CCND1: variants seen among roughly 807,000 people sequenced by gnomAD.
The protein encoded by CCND1 is G1/S-specific cyclin-D1.
A neutral mutation model predicts 26.1 loss-of-function variants in CCND1; 9 were observed. That is an observed-to-expected ratio of 0.35 (90% CI 0.21 to 0.60). The LOEUF is 0.60. Ranked by LOEUF, CCND1 falls within the 20% of genes least tolerant of loss-of-function variation. The pLI is 0.79. For missense variants in CCND1, 335 were observed against 392.9 expected (o/e 0.85, Z 1.25); for synonymous variants, 194 against 166.1 (o/e 1.17, Z -1.29).
chr11:69,648,316 G>C (rs905820356), intron 4 of CCND1, 174 bp downstream of exon 4: 2 of 658,186 alleles, frequency 3.0e-6, no homozygotes, highest in Non-Finnish European at 5.1e-6. Context: ...TTCTTCCACT[G>C]CTCCTAGAAC....
chr11:69,647,892 C>G, intron 3 of CCND1, 102 bp from the exon 4 acceptor site: 7 of 1,382,298 alleles, frequency 5.1e-6, no homozygotes. Context: ...CCCTTCAGGC[C>G]GGGCCGCTTG....
intron 3 of CCND1, among the ~76,000 whole-genome samples, chr11:69,645,065 C>T (rs945218587): frequency 1.3e-5 from 2 of 152,170 alleles, no homozygotes; most frequent in Non-Finnish European, 2.9e-5. Flanking sequence ...GTGAGGCCTC[C>T]CCCACCTCCT....
At chr11:69,649,813 C>G (rs558697248) in intron 4 of CCND1, among the ~76,000 whole-genome samples, 1 of 152,254 alleles carries the variant, frequency 6.6e-6, no homozygotes, top group East Asian at 1.9e-4. Flanking sequence ...AGCTGCCAGG[C>G]CCCTGGGGCT....
chr11:69,643,845 T>C lies in CCND1; in HGVS notation c.428T>C (p.Leu143Pro), dbSNP rs766855822. 6.2e-7 allele frequency: 1 copy of C among 1,610,142 alleles called. No homozygotes were observed. Among genetic ancestry groups the C allele is most frequent in the Non-Finnish European group, 8.5e-7 (1 of 1,177,302 alleles). Residue 143 changes from leucine (L) to proline (P), a missense_variant, in exon 3 of 5, where the codon CTC (leucine) becomes CCC (proline). Transcript: ENST00000227507. ...CTGTGTTCGCAGCAAATGGAGCTGC[T>C]CCTGGTGAACAAGCTCAAGTGGAAC... Reference protein sequence around the residue: ...RPEELLQMELLLVNKLKWNLA... With the variant: ...RPEELLQMELPLVNKLKWNLA...
At chr11:69,649,543 C>T (rs1329009275) in intron 4 of CCND1, among the ~76,000 whole-genome samples, 1 of 152,204 alleles carries the variant, frequency 6.6e-6, no homozygotes, top group African/African-American at 2.4e-5. Context: ...AGGGCGTGTT[C>T]TAGAATTTTC....
chr11:69,651,687 T>A lies in CCND1; in HGVS notation c.*405T>A. 4.2e-6 allele frequency: 1 copy of A among 240,374 alleles called. No individual in the cohort carries two copies. The highest frequency in any genetic ancestry group is 8.1e-6 in the Non-Finnish European group (1 of 123,314). The allele number at this position is 240,374 out of a possible 1,614,324, so 14.9% of individuals were successfully genotyped here. On this transcript the variant is annotated 3_prime_UTR_variant, in exon 5 of 5. Transcript: ENST00000227507. ...CGGGAGAGGATTAGGTTCCATCCTT[T>A]ACGTGTTTAAAAAAAAGCATAAAAA... is the stretch of plus-strand genomic sequence containing the variant.
At chr11:69,643,678 A>T in intron 2 of CCND1, 154 bp from the exon 3 acceptor site, 1 of 650,736 alleles carries the variant, frequency 1.5e-6, no homozygotes, top group Non-Finnish European at 2.6e-6. Context: ...AGCATTCGCC[A>T]GCCCTCCCCT....
rs948927165 is a variant in CCND1, at chr11:69,652,853, A to G, written c.*1571A>G. On this transcript the variant is annotated 3_prime_UTR_variant, in exon 5 of 5. Transcript: ENST00000227507. ...GATTTAATACAGTTTATTTTTAAAGATAGATCCTTTTATAGGTGAGAAAAA... is the reference window on the plus strand; with the variant it reads ...GATTTAATACAGTTTATTTTTAAAGGTAGATCCTTTTATAGGTGAGAAAAA... 1.6e-5 allele frequency: 4 copies of G among 252,044 alleles called. No homozygotes were observed. The highest frequency in any genetic ancestry group is 2.3e-5 in the Non-Finnish European group (3 of 130,802). 15.6% of individuals were successfully genotyped at this position (252,044 alleles called of 1,614,324 possible).
At position 69,653,590 on chromosome 11, in the gene CCND1, G is replaced by A. The variant is rs3212902; in HGVS notation, c.*2308G>A. ...CGGGCGCGATCCCACACAGGCTGGC[G>A]GGGGCCGGCCCCGAGGCCGCGTGCG... On this transcript the variant is annotated 3_prime_UTR_variant, in exon 5 of 5. Coordinates refer to ENST00000227507, the MANE Select transcript of CCND1 (RefSeq NM_053056.3). The A allele has an allele frequency of 3.1e-3, 1,550 of 503,712 alleles. 15 individuals carry two copies. The highest frequency in any genetic ancestry group is 0.027 in the African/African-American group (1,352 of 50,050). 31.2% of individuals were successfully genotyped at this position (503,712 alleles called of 1,614,324 possible).
chr11:69,644,465 G>A (rs940011617), intron 3 of CCND1, among the ~76,000 whole-genome samples: 1 of 152,176 alleles, frequency 6.6e-6, no homozygotes, highest in Non-Finnish European at 1.5e-5. Flanking sequence ...CTGTCGGCCT[G>A]CCTGCACCAC....
chr11:69,651,519 TA>T lies in CCND1; in HGVS notation c.*238del, dbSNP rs1242247152. Reference sequence around the variant, plus strand: ...AGAGAGAGAGAGAAAAAAAAAATAGTATTTGCATAACCCTGAGCGGTGGGGG... The same window carrying T: ...AGAGAGAGAGAGAAAAAAAAAATAGTTTTGCATAACCCTGAGCGGTGGGGG... On this transcript the variant is annotated 3_prime_UTR_variant, in exon 5 of 5. Transcript: ENST00000227507. The T allele has an allele frequency of 4.8e-6, 2 of 417,362 alleles. No homozygotes were observed. Among genetic ancestry groups the T allele is most frequent in the Admixed American group, 4.1e-5 (1 of 24,302 alleles). The allele number at this position is 417,362 out of a possible 1,614,324, so 25.9% of individuals were successfully genotyped here. A position where few individuals can be genotyped will look rare whatever the true frequency, so the allele number is the denominator to read the frequency against.
chr11:69,644,450 G>T (rs915677548), intron 3 of CCND1, among the ~76,000 whole-genome samples: 6 of 152,182 alleles, frequency 3.9e-5, no homozygotes, highest in Non-Finnish European at 7.4e-5. Context: ...CAGGGGCGGG[G>T]AGAGCTGTCG....
At chr11:69,642,043 C>T (rs1277406440) in intron 1 of CCND1, among the ~76,000 whole-genome samples, 1 of 141,204 alleles carries the variant, frequency 7.1e-6, no homozygotes, top group Non-Finnish European at 1.5e-5. Flanking sequence ...GAGCGGCCGC[C>T]GGGCGCTGGG....
intron 3 of CCND1, among the ~76,000 whole-genome samples, chr11:69,647,265 G>A (rs1028238653): frequency 1.3e-5 from 2 of 151,518 alleles, no homozygotes; most frequent in Non-Finnish European, 2.9e-5. Context: ...GGGTGTACTT[G>A]GTCTGTGCTC....
chr11:69,643,405 G>GC, intron 2 of CCND1, 159 bp downstream of exon 2: 1 of 561,390 alleles, frequency 1.8e-6, no homozygotes, highest in Non-Finnish European at 2.9e-6. Flanking sequence ...CGGGGAGCGG[G>GC]CGGGATCCTA....
In CCND1 at chr11:69,643,045, G is replaced by A; in HGVS notation, c.213G>A (p.Gln71=). Residue 71 remains glutamine, a synonymous_variant, in exon 2 of 5, where the codon CAG becomes CAA. Transcript: ENST00000227507. Reference sequence around the variant, plus strand: ...TGCCTCCGTAGGTCTGCGAGGAACAGAAGTGCGAGGAGGAGGTCTTCCCGC... The same window carrying A: ...TGCCTCCGTAGGTCTGCGAGGAACAAAAGTGCGAGGAGGAGGTCTTCCCGC... ...ATWMLEVCEE[Q]KCEEEVFPLA... 1 of 1,603,228 alleles carries A rather than the reference G, an allele frequency of 6.2e-7. No homozygotes were observed. Among genetic ancestry groups the A allele is most frequent in the Non-Finnish European group, 8.5e-7 (1 of 1,175,468 alleles).
intron 4 of CCND1, among the ~76,000 whole-genome samples, chr11:69,649,331 G>T (rs763352457): frequency 6.6e-6 from 1 of 152,176 alleles, no homozygotes. Context: ...TGCTGTCTTC[G>T]GGCAGTTGTG....
chr11:69,641,260 C>T lies in CCND1; in HGVS notation c.-54C>T, dbSNP rs986874590. On this transcript the variant is annotated 5_prime_UTR_variant, in exon 1 of 5. Coordinates refer to ENST00000227507, the MANE Select transcript of CCND1 (RefSeq NM_053056.3). ...GGGCAGCAGAAGCGAGAGCCGAGCGCGGACCCAGCCAGGACCCACAGCCCT... is the reference window on the plus strand; with the variant it reads ...GGGCAGCAGAAGCGAGAGCCGAGCGTGGACCCAGCCAGGACCCACAGCCCT... The T allele has an allele frequency of 2.6e-6, 4 of 1,539,810 alleles. No homozygotes were observed. Among genetic ancestry groups the T allele is most frequent in the East Asian group, 2.3e-5 (1 of 44,326 alleles).
At chr11:69,648,241 G>C in intron 4 of CCND1, 99 bp downstream of exon 4, 1 of 1,446,560 alleles carries the variant, frequency 6.9e-7, no homozygotes, top group Non-Finnish European at 9.5e-7. Flanking sequence ...GCCCCCAAGG[G>C]TGACAAGGTT....
Sources: gnomAD v4.1 joint callset for allele counts (sites outside exome capture counted in the v4.1 genomes callset) on GRCh38, gnomAD v4.1.1 for gene constraint, MANE v1.5 for transcripts, NCBI Gene and HGNC (gene_info 2026-07-23, HGNC 2026-07-21) for gene names.